SLC26A5: variants seen among roughly 807,000 people sequenced by gnomAD.
The protein encoded by SLC26A5 is prestin.
SLC26A5 carries 51 observed loss-of-function variants against 81.0 expected under a neutral mutation model. The ratio of observed to expected loss-of-function variants is 0.63; its 90% confidence interval spans 0.50 to 0.80. The LOEUF is 0.80. Among genes scored for constraint, SLC26A5 ranks in the 30% least tolerant of loss-of-function variants. The pLI is 0.00. For missense variants in SLC26A5, 771 were observed against 905.8 expected (o/e 0.85, Z 1.91); for synonymous variants, 325 against 332.8 (o/e 0.98, Z 0.25).
chr7:103,431,396 C>G (rs1826073687), intron 2 of SLC26A5, among the ~76,000 whole-genome samples: 1 of 151,662 alleles, frequency 6.6e-6, no homozygotes, highest in East Asian at 1.9e-4. Context: ...GATCATGGCT[C>G]ACTGCAGCCT....
At chr7:103,414,337 CA>C (rs1218768828) in intron 4 of SLC26A5, among the ~76,000 whole-genome samples, 1 of 151,864 alleles carries the variant, frequency 6.6e-6, no homozygotes, top group Non-Finnish European at 1.5e-5. Flanking sequence ...AGGTGTGTAC[CA>C]TCACACCTGG....
Position 103,374,434 on chromosome 7 carries a change from C to T in SLC26A5, c.2200G>A (p.Glu734Lys), listed in dbSNP as rs763288306. 1 of 1,612,670 alleles carries T rather than the reference C, an allele frequency of 6.2e-7. No homozygotes were observed. Among genetic ancestry groups the T allele is most frequent in the Non-Finnish European group, 8.5e-7 (1 of 1,179,988 alleles). The change falls in exon 20 of 20, where the codon GAG (glutamate) becomes AAG (lysine). Residue 734 changes from glutamate to lysine, a missense_variant. By Grantham distance (56) the Glu-to-Lys change is moderately conservative. Coordinates refer to ENST00000306312, the MANE Select transcript of SLC26A5 (RefSeq NM_198999.3). ...GGAGTGGCAGGAGTGGCATTGGGCT[C>T]CAAGTCCTCCTGGGAAGGGGGAGCC... ...ASAPPSQEDL[E>K]PNATPATPEA
At chr7:103,384,481 G>A (rs983782691) in intron 14 of SLC26A5, among the ~76,000 whole-genome samples, 1 of 151,974 alleles carries the variant, frequency 6.6e-6, no homozygotes, top group East Asian at 2.0e-4. Flanking sequence ...GTGTGGTGGC[G>A]GGCACCTGTA....
At chr7:103,400,403 CT>C (rs1470036144) in intron 8 of SLC26A5, among the ~76,000 whole-genome samples, 1 of 152,184 alleles carries the variant, frequency 6.6e-6, no homozygotes, top group Non-Finnish European at 1.5e-5. Context: ...CCTTTGCCCA[CT>C]TTTTCATAGG....
chr7:103,411,510 T>C lies in SLC26A5; in HGVS notation c.480A>G (p.Gly160=). 6.2e-7 allele frequency: 1 copy of C among 1,614,196 alleles called. No individual in the cohort carries two copies. Among genetic ancestry groups the C allele is most frequent in the South Asian group, 1.1e-5 (1 of 91,078 alleles). Residue 160 remains glycine (G), a synonymous_variant, in exon 6 of 20, where the codon GGA becomes GGG. Coordinates refer to ENST00000306312, the MANE Select transcript of SLC26A5 (RefSeq NM_198999.3). ...RLVPDDIVIP[G]GVNATNGTEA... The stretch of plus-strand genomic sequence containing the variant: ...CTGTGCCATTGGTTGCATTTACTCC[T>C]CCTGGAATGACTATATCATCTGGTA...
intron 2 of SLC26A5, among the ~76,000 whole-genome samples, chr7:103,423,623 C>T (rs1293798857): frequency 6.6e-6 from 1 of 152,146 alleles, no homozygotes; most frequent in African/African-American, 2.4e-5. Context: ...CCTTCTGTCC[C>T]TTCCGCCATG....
At chr7:103,439,218 T>A (rs2116857764) in intron 2 of SLC26A5, among the ~76,000 whole-genome samples, 1 of 152,046 alleles carries the variant, frequency 6.6e-6, no homozygotes, top group Non-Finnish European at 1.5e-5. Context: ...CAGCCAGCCT[T>A]GGGGGAAAGG....
chr7:103,442,749 TG>T (rs1826972879), intron 2 of SLC26A5, among the ~76,000 whole-genome samples: 1 of 152,194 alleles, frequency 6.6e-6, no homozygotes, highest in African/African-American at 2.4e-5. Context: ...TGGCAGAGCT[TG>T]GCTTAAAACC....
chr7:103,414,292 C>T (rs1017388053), intron 4 of SLC26A5, among the ~76,000 whole-genome samples: 3 of 151,164 alleles, frequency 2.0e-5, no homozygotes, highest in African/African-American at 7.3e-5. Context: ...CTCAAGCAAT[C>T]CTCCCACCTC....
At chr7:103,374,632 T>TCA (rs1563507836) in intron 19 of SLC26A5, 40 bp from the exon 20 acceptor site, 1 of 1,590,384 alleles carries the variant, frequency 6.3e-7, no homozygotes, top group Non-Finnish European at 8.6e-7. Context: ...ACACTCTGGA[T>TCA]ATCAGTCTTC....
In SLC26A5 at chr7:103,363,242, C is replaced by T. The variant is rs532556503; in HGVS notation, c.2042-10316G>A. 3 of 879,452 alleles carry T rather than the reference C, an allele frequency of 3.4e-6. No homozygotes were observed. The South Asian group carries it at 5.1e-5, about 15-fold the overall frequency. 54.5% of individuals were successfully genotyped at this position (879,452 alleles called of 1,614,324 possible). A position where few individuals can be genotyped will look rare whatever the true frequency, so the allele number is the denominator to read the frequency against. On this transcript the variant is annotated intron_variant, in intron 19 of 19. Coordinates refer to the SLC26A5 transcript ENST00000339444. ...TATTCAATTTTTATTAAAATTCTCA[C>T]TTGTGAGTTTTTCTTTTAAGGTATT...
intron 19 of SLC26A5, chr7:103,363,426 C>T (rs768795269): frequency 6.2e-7 from 1 of 1,610,350 alleles, no homozygotes; most frequent in Admixed American, 1.7e-5. Context: ...GTAGTTGAAA[C>T]CCCATTACTT....
intron 8 of SLC26A5, among the ~76,000 whole-genome samples, chr7:103,404,071 T>C (rs1403403734): frequency 6.6e-6 from 1 of 151,996 alleles, no homozygotes; most frequent in African/African-American, 2.4e-5. Flanking sequence ...TAATCCCAGC[T>C]ACTCAGGAGG....
chr7:103,392,626 GGAGTGCAGCGGC>G (rs1359290398), intron 10 of SLC26A5, among the ~76,000 whole-genome samples: 1 of 152,186 alleles, frequency 6.6e-6, no homozygotes, highest in Non-Finnish European at 1.5e-5. Flanking sequence ...CGCCCAGGCT[GGAGTGCAGCGGC>G]GCGACCTCGG....
chr7:103,379,223 A>G lies in SLC26A5; in HGVS notation c.1677+20T>C. On this transcript the variant is annotated intron_variant, in intron 16 of 19. Transcript: ENST00000306312. ...CCCACAAATCCCATCCTCAGAAATA[A>G]TCAATTTCTCATGACTCACCTTTCG... The G allele has an allele frequency of 6.5e-7, 1 of 1,547,668 alleles. No individual in the cohort carries two copies. The highest frequency in any genetic ancestry group is 8.9e-7 in the Non-Finnish European group (1 of 1,119,690).
chr7:103,376,780 C>G (rs762541575), intron 19 of SLC26A5, 28 bp downstream of exon 19: 8 of 1,507,436 alleles, frequency 5.3e-6, no homozygotes, highest in Admixed American at 1.7e-5. Context: ...AAATATTAAG[C>G]TTCACCCCAT....
chr7:103,399,685 T>C (rs953088671), intron 8 of SLC26A5, among the ~76,000 whole-genome samples: 5 of 152,202 alleles, frequency 3.3e-5, no homozygotes, highest in Admixed American at 6.5e-5. Context: ...AACCATCATC[T>C]ACATTAGGTA....
downstream of SLC26A5, among the ~76,000 whole-genome samples, chr7:103,371,363 CG>C (rs1325616328): frequency 2.7e-5 from 4 of 148,624 alleles, no homozygotes; most frequent in Non-Finnish European, 5.9e-5. Context: ...CTCGCTCTGT[CG>C]CCCAGGCTGG....
chr7:103,398,193 A>G (rs889699308), intron 8 of SLC26A5, among the ~76,000 whole-genome samples, 179 bp from the exon 9 acceptor site: 7 of 152,200 alleles, frequency 4.6e-5, no homozygotes, highest in Non-Finnish European at 1.0e-4. Context: ...CCTACCCCAC[A>G]TAATTAAAAT....
Sources: allele counts gnomAD v4.1 joint callset (sites outside exome capture counted in the v4.1 genomes callset), GRCh38; gene constraint gnomAD v4.1.1; transcripts MANE v1.5; gene names NCBI Gene and HGNC (gene_info 2026-07-23, HGNC 2026-07-21).